Variants in PKNOX2 observed in about 807,000 individuals in gnomAD.
PKNOX2 encodes homeobox protein PKNOX2.
Under a neutral mutation model 53.1 loss-of-function variants are expected in PKNOX2, and 14 were observed. That is an observed-to-expected ratio of 0.26 (90% CI 0.17 to 0.41). The LOEUF is 0.41. Ranked by LOEUF, PKNOX2 falls within the 10% of genes least tolerant of loss-of-function variation. PKNOX2 has a pLI of 1.00. For synonymous variants in PKNOX2, 257 were observed against 242.8 expected, an observed-to-expected ratio of 1.06 and a Z score of -0.54; for missense variants, 496 against 602.8, an observed-to-expected ratio of 0.82 and a Z score of 1.85.
chr11:125,341,832 C>T (rs7952177), intron 3 of PKNOX2, among the ~76,000 whole-genome samples: 8,050 of 152,324 alleles, frequency 0.053, 683 homozygotes, highest in African/African-American at 0.18. Flanking sequence ...GTGGCCGCGC[C>T]ACGTCCTCTC....
chr11:125,301,079 A>G (rs1387499324), intron 2 of PKNOX2, among the ~76,000 whole-genome samples: 3 of 152,206 alleles, frequency 2.0e-5, no homozygotes, highest in African/African-American at 7.2e-5. Context: ...AATGTGCTGT[A>G]CAAGTTGAGA....
intron 2 of PKNOX2, among the ~76,000 whole-genome samples, chr11:125,260,301 C>T (rs925541940): frequency 2.6e-5 from 4 of 152,110 alleles, no homozygotes; most frequent in South Asian, 2.1e-4. Flanking sequence ...CAGGTTCAAG[C>T]GATTCTCCTG....
At chr11:125,174,685 G>T (rs891704535) in intron 1 of PKNOX2, among the ~76,000 whole-genome samples, 6 of 152,124 alleles carry the variant, frequency 3.9e-5, no homozygotes, top group African/African-American at 1.4e-4. Flanking sequence ...TTGTCTGCAG[G>T]GGCCGGGAGA....
intron 1 of PKNOX2, among the ~76,000 whole-genome samples, chr11:125,187,192 C>T (rs1252027109): frequency 6.6e-6 from 1 of 151,946 alleles, no homozygotes; most frequent in African/African-American, 2.4e-5. Flanking sequence ...TTTGGCTATT[C>T]AGGGCCCCTT....
chr11:125,257,765 C>T (rs911789247), intron 2 of PKNOX2, among the ~76,000 whole-genome samples: 11 of 152,168 alleles, frequency 7.2e-5, no homozygotes, highest in Admixed American at 1.3e-4. Flanking sequence ...ACCATTCTGT[C>T]TCCTGTCTGT....
chr11:125,423,043 T>TACACACAC (rs56327999), intron 10 of PKNOX2, among the ~76,000 whole-genome samples: 1 of 150,080 alleles, frequency 6.7e-6, no homozygotes, highest in East Asian at 2.0e-4. Context: ...TCAGTTTAGC[T>TACACACAC]ACACACACAC....
intron 4 of PKNOX2, among the ~76,000 whole-genome samples, chr11:125,360,535 C>A (rs1449691075): frequency 6.6e-6 from 1 of 152,212 alleles, no homozygotes; most frequent in South Asian, 2.1e-4. Flanking sequence ...GCATGCCACT[C>A]AATTCCAAGC....
chr11:125,204,954 G>A (rs980963468), intron 1 of PKNOX2, among the ~76,000 whole-genome samples: 1 of 152,200 alleles, frequency 6.6e-6, no homozygotes, highest in African/African-American at 2.4e-5. Flanking sequence ...TGAGCACCAT[G>A]TCTGATCTTT....
At chr11:125,198,992 T>C (rs1938112948) in intron 1 of PKNOX2, among the ~76,000 whole-genome samples, 1 of 151,998 alleles carries the variant, frequency 6.6e-6, no homozygotes, top group South Asian at 2.1e-4. Context: ...AGATACCCAC[T>C]ACTATGCCTG....
At chr11:125,173,595 C>T (rs1955484893) in intron 1 of PKNOX2, among the ~76,000 whole-genome samples, 4 of 152,240 alleles carry the variant, frequency 2.6e-5, no homozygotes, top group Admixed American at 2.0e-4. Context: ...GTTGTGAAAA[C>T]CAAAGTCTAG....
chr11:125,346,743 TGGAA>T lies in PKNOX2; in HGVS notation c.-22-4526_-22-4523del, dbSNP rs1386169512. On this transcript the variant is annotated intron_variant, in intron 3 of 12. Coordinates refer to ENST00000298282, the MANE Select transcript of PKNOX2 (RefSeq NM_001382323.2). The stretch of plus-strand genomic sequence containing the variant: ...CCTCATGACTGCCTCTTAGCTGCTA[TGGAA>T]GGAAGGAAGGAAGGGAGGAAGGAGG... 1.0e-4 allele frequency among the ~76,000 whole-genome samples: 14 copies of T among 136,738 alleles called. No individual in the cohort carries two copies. In the South Asian group the frequency reaches 2.1e-3, roughly 21 times the overall value. The allele number at this position is 136,738 out of a possible 152,430, so 89.7% of individuals were successfully genotyped here. A position where few individuals can be genotyped will look rare whatever the true frequency, so the allele number is the denominator to read the frequency against.
Position 125,256,112 on chromosome 11 carries a change from G to A in PKNOX2, c.-130+20997G>A, listed in dbSNP as rs544983808. Among the ~76,000 whole-genome samples, 15 of 152,166 alleles carry A rather than the reference G, an allele frequency of 9.9e-5. No individual in the cohort carries two copies. The South Asian group carries it at 3.1e-3, about 32-fold the overall frequency. ...AGACGGTGGGGATGGACTCCAGGCTGAAACGTCAGGGTGAAACTTCCAGAA... is the reference window on the plus strand; with the variant it reads ...AGACGGTGGGGATGGACTCCAGGCTAAAACGTCAGGGTGAAACTTCCAGAA... On this transcript the variant is annotated intron_variant, in intron 2 of 12. Coordinates refer to ENST00000298282, the MANE Select transcript of PKNOX2 (RefSeq NM_001382323.2).
intron 1 of PKNOX2, among the ~76,000 whole-genome samples, chr11:125,200,447 G>T (rs148597775): frequency 5.9e-5 from 9 of 152,098 alleles, no homozygotes; most frequent in Non-Finnish European, 1.2e-4. Context: ...TCGTTTCCTC[G>T]TAGCCCAGTG....
intron 2 of PKNOX2, among the ~76,000 whole-genome samples, chr11:125,271,355 A>G (rs1219314080): frequency 6.6e-6 from 1 of 152,152 alleles, no homozygotes; most frequent in African/African-American, 2.4e-5. Context: ...CTGACAAGAC[A>G]CTCATAATCT....
chr11:125,177,193 T>C (rs930961167), intron 1 of PKNOX2, among the ~76,000 whole-genome samples: 1 of 152,142 alleles, frequency 6.6e-6, no homozygotes, highest in Non-Finnish European at 1.5e-5. Flanking sequence ...ACAATGTCTT[T>C]TGAGGACTTG....
At chr11:125,220,988 T>C (rs1490836057) in intron 1 of PKNOX2, among the ~76,000 whole-genome samples, 1 of 151,998 alleles carries the variant, frequency 6.6e-6, no homozygotes, top group African/African-American at 2.4e-5. Flanking sequence ...ACCCCGACTC[T>C]ACTAGAAATA....
At chr11:125,198,838 C>CTT (rs1161671951) in intron 1 of PKNOX2, among the ~76,000 whole-genome samples, 2 of 136,532 alleles carry the variant, frequency 1.5e-5, no homozygotes, top group Non-Finnish European at 3.3e-5. Flanking sequence ...TCTTCTTCTT[C>CTT]TTCTTTTTTT....
intron 10 of PKNOX2, among the ~76,000 whole-genome samples, chr11:125,414,854 C>T (rs542488225): frequency 1.3e-5 from 2 of 152,148 alleles, no homozygotes; most frequent in Admixed American, 1.3e-4. Flanking sequence ...AAATAAGTTC[C>T]CTTTGAATTT....
chr11:125,172,919 A>G (rs1354395775), intron 1 of PKNOX2, among the ~76,000 whole-genome samples: 3 of 152,196 alleles, frequency 2.0e-5, no homozygotes, highest in Non-Finnish European at 2.9e-5. Flanking sequence ...TGGCTCCATG[A>G]GGCAGCAATT....
Sources: gnomAD v4.1 joint callset for allele counts (sites outside exome capture counted in the v4.1 genomes callset) on GRCh38, gnomAD v4.1.1 for gene constraint, MANE v1.5 for transcripts, NCBI Gene and HGNC (gene_info 2026-07-23, HGNC 2026-07-21) for gene names.